The following MRPL3 variants were observed in gnomAD, a reference collection of about 807,000 sequenced individuals.
MRPL3 encodes large ribosomal subunit protein uL3m.
A neutral mutation model predicts 44.3 loss-of-function variants in MRPL3; 43 were observed. That is an observed-to-expected ratio of 0.97 (90% confidence interval 0.76 to 1.25). The LOEUF (loss-of-function observed/expected upper bound fraction) is 1.25. Ranked by LOEUF, MRPL3 falls within the 50% of genes most tolerant of loss-of-function variation. MRPL3 has a pLI of 0.00. For missense variants in MRPL3, 406 were observed against 427.6 expected (o/e 0.95, Z 0.45); for synonymous variants, 171 against 152.3 (o/e 1.12, Z -0.91).
chr3:131,502,941 G>A lies in MRPL3; in HGVS notation c.-120C>T. On this transcript the variant is annotated 5_prime_UTR_variant, in exon 1 of 10. Transcript: ENST00000264995. The stretch of plus-strand genomic sequence containing the variant: ...CCGTGGGGAAGTTTTCGCAATGGCC[G>A]CCGGAACGGTCGCCGGCCGATGCTC... 2 of 920,056 alleles carry A rather than the reference G, an allele frequency of 2.2e-6. No homozygotes were observed. The highest frequency in any genetic ancestry group is 3.4e-6 in the Non-Finnish European group (2 of 579,728). The allele number at this position is 920,056 out of a possible 1,614,324, so 57.0% of individuals were successfully genotyped here. A position where few individuals can be genotyped will look rare whatever the true frequency, so the allele number is the denominator to read the frequency against.
In MRPL3 at chr3:131,462,871, T is replaced by C. The variant is rs1933522736; in HGVS notation, c.899A>G (p.Lys300Arg). The change falls in exon 10 of 10, where the codon AAA becomes AGA. Residue 300 changes from lysine (K) to arginine (R), a missense_variant. Lys to Arg is a conservative substitution (Grantham distance 26). Transcript: ENST00000264995. ...PGHKNCLVKVKDSKLPAYKDL... is the reference protein window; with the variant it reads ...PGHKNCLVKVRDSKLPAYKDL... ...CTTATATGCAGGCAGTTTAGAATCT[T>C]TGACCTGAGAGAAGGCAAAAATCTT... The C allele has an allele frequency of 4.4e-6, 7 of 1,606,612 alleles. No homozygotes were observed. The highest frequency in any genetic ancestry group is 2.2e-5 in the East Asian group (1 of 44,722).
chr3:131,468,225 A>G (rs985124353), intron 8 of MRPL3, 57 bp from the exon 9 acceptor site: 1 of 980,214 alleles, frequency 1.0e-6, no homozygotes, highest in African/African-American at 1.7e-5. Context: ...AAACAATGTT[A>G]CTAAAAGCTG....
chr3:131,469,123 C>A (rs2110695300), intron 8 of MRPL3, among the ~76,000 whole-genome samples: 1 of 152,060 alleles, frequency 6.6e-6, no homozygotes, highest in Middle Eastern at 3.4e-3. Flanking sequence ...TTTAAATATA[C>A]ACAGACATTT....
At chr3:131,474,414 G>C (rs1027048247) in intron 6 of MRPL3, among the ~76,000 whole-genome samples, 1 of 152,132 alleles carries the variant, frequency 6.6e-6, no homozygotes, top group African/African-American at 2.4e-5. Context: ...ATGGGAATGA[G>C]GAGGATGGGG....
intron 4 of MRPL3, among the ~76,000 whole-genome samples, chr3:131,493,100 C>T (rs566319283): frequency 1.3e-5 from 2 of 152,230 alleles, no homozygotes; most frequent in Admixed American, 6.5e-5. Flanking sequence ...ATGAAGAACC[C>T]GCAGGCCCCC....
chr3:131,501,747 C>T, intron 1 of MRPL3, 32 bp from the exon 2 acceptor site: 1 of 1,592,678 alleles, frequency 6.3e-7, no homozygotes, highest in Middle Eastern at 1.7e-4. Context: ...AAAACCAAAC[C>T]ACAATTTAAA....
intron 9 of MRPL3, among the ~76,000 whole-genome samples, chr3:131,465,400 A>C (rs140438586): frequency 1.6e-4 from 25 of 152,330 alleles, no homozygotes; most frequent in African/African-American, 5.5e-4. Flanking sequence ...CATTGTATGT[A>C]CTACAGTTTT....
At chr3:131,492,214 T>C (rs780245847) in intron 4 of MRPL3, among the ~76,000 whole-genome samples, 3 of 152,220 alleles carry the variant, frequency 2.0e-5, no homozygotes, top group African/African-American at 7.2e-5. Context: ...ACTTTTATTT[T>C]ATTAAAGCAT....
At chr3:131,470,635 C>A (rs1933718918) in intron 7 of MRPL3, among the ~76,000 whole-genome samples, 1 of 151,964 alleles carries the variant, frequency 6.6e-6, no homozygotes, top group African/African-American at 2.4e-5. Context: ...CACACACACC[C>A]CTCTGTTTCT....
chr3:131,476,872 G>A (rs1315809392), intron 6 of MRPL3, among the ~76,000 whole-genome samples: 3 of 152,124 alleles, frequency 2.0e-5, no homozygotes, highest in African/African-American at 7.2e-5. Context: ...GGAAGACAGG[G>A]GATTAAGTCT....
intron 1 of MRPL3, 159 bp from the exon 2 acceptor site, chr3:131,501,874 C>A (rs752856204): frequency 1.7e-4 from 259 of 1,542,774 alleles, no homozygotes; most frequent in Non-Finnish European, 2.1e-4. Context: ...CTTTTCCTCA[C>A]TCCCCACATT....
At chr3:131,494,395 C>T (rs1336900807) in intron 4 of MRPL3, among the ~76,000 whole-genome samples, 1 of 152,186 alleles carries the variant, frequency 6.6e-6, no homozygotes, top group East Asian at 1.9e-4. Context: ...AACAGTATGG[C>T]TCCTTTAAAT....
chr3:131,468,261 T>A, intron 8 of MRPL3, 93 bp from the exon 9 acceptor site: 1 of 665,214 alleles, frequency 1.5e-6, no homozygotes, highest in Non-Finnish European at 2.6e-6. Flanking sequence ...TGTAAAGTAA[T>A]AAAAGATTAT....
At chr3:131,471,418 T>C (rs1933740841) in intron 6 of MRPL3, 139 bp from the exon 7 acceptor site, 4 of 636,628 alleles carry the variant, frequency 6.3e-6, no homozygotes, top group Middle Eastern at 2.6e-4. Context: ...GAAAAGGCTA[T>C]ACAACTAAAA....
chr3:131,481,282 C>A (rs1582709839), intron 6 of MRPL3, among the ~76,000 whole-genome samples: 1 of 152,160 alleles, frequency 6.6e-6, no homozygotes, highest in Admixed American at 6.5e-5. Flanking sequence ...GTTTTCTATT[C>A]ATTTCGAAAG....
chr3:131,486,671 AAAG>A (rs1934133140), intron 6 of MRPL3, among the ~76,000 whole-genome samples: 1 of 152,170 alleles, frequency 6.6e-6, no homozygotes, highest in Non-Finnish European at 1.5e-5. Flanking sequence ...ACACTTCTCA[AAAG>A]AAGACAACTA....
At chr3:131,474,840 T>A (rs1419920149) in intron 6 of MRPL3, among the ~76,000 whole-genome samples, 3 of 150,730 alleles carry the variant, frequency 2.0e-5, no homozygotes, top group African/African-American at 7.3e-5. Flanking sequence ...GGTACAGTGA[T>A]AACTCACTGC....
At chr3:131,484,606 G>GC (rs1293608698) in intron 6 of MRPL3, among the ~76,000 whole-genome samples, 1 of 152,194 alleles carries the variant, frequency 6.6e-6, no homozygotes, top group Non-Finnish European at 1.5e-5. Flanking sequence ...ACAAAGGTAT[G>GC]CACATGTATG....
chr3:131,473,562 GC>G (rs1333446364), intron 6 of MRPL3, among the ~76,000 whole-genome samples: 1 of 151,858 alleles, frequency 6.6e-6, no homozygotes, highest in Non-Finnish European at 1.5e-5. Flanking sequence ...AAACTCAAAA[GC>G]TTTTTGCACA....
Sources: gnomAD v4.1 joint callset for allele counts (sites outside exome capture counted in the v4.1 genomes callset) on GRCh38, gnomAD v4.1.1 for gene constraint, MANE v1.5 for transcripts, NCBI Gene and HGNC (gene_info 2026-07-23, HGNC 2026-07-21) for gene names.